The following WDR33 variants were observed in gnomAD, a reference collection of about 807,000 sequenced individuals.
WDR33 encodes the protein pre-mRNA 3' end processing protein WDR33.
WDR33 carries 47 observed loss-of-function variants against 164.9 expected under a neutral mutation model. The observed-to-expected ratio is 0.29, with a 90% CI of 0.23 to 0.36. WDR33 has a LOEUF of 0.36. Among genes scored for constraint, WDR33 ranks in the 10% least tolerant of loss-of-function variants. WDR33 has a pLI of 1.00. For missense variants in WDR33, 1,137 were observed against 1,754.1 expected, an observed-to-expected ratio of 0.65 and a Z score of 6.28; for synonymous variants, 505 against 589.0, an observed-to-expected ratio of 0.86 and a Z score of 2.06.
Position 127,735,849 on chromosome 2 carries a change from G to A in WDR33, c.725-9072C>T, listed in dbSNP as rs1310771803. 1.0e-6 allele frequency: 1 copy of A among 985,308 alleles called. No individual in the cohort carries two copies. The highest frequency in any genetic ancestry group is 1.7e-5 in the African/African-American group (1 of 57,248). The allele number at this position is 985,308 out of a possible 1,614,324, so 61.0% of individuals were successfully genotyped here. ...AAAATGATTTCACCACAACCCAACA[G>A]TCAACATCAACTTGGAGTGATTACT... On this transcript the variant is annotated intron_variant, in intron 7 of 21. Coordinates refer to ENST00000322313, the MANE Select transcript of WDR33 (RefSeq NM_018383.5). This position sits in a 1 kb window ranked among gnomAD's most constrained non-coding sequence, Gnocchi z 4.3.
At chr2:127,737,397 A>G (rs1686877729) in intron 7 of WDR33, 1 of 985,534 alleles carries the variant, frequency 1.0e-6, no homozygotes, top group Non-Finnish European at 1.2e-6. Context: ...ATGTTATTCA[A>G]CAGTCACAGG....
chr2:127,706,143 G>A lies in WDR33; in HGVS notation c.*180C>T, dbSNP rs1686002818. 2 of 467,246 alleles carry A rather than the reference G, an allele frequency of 4.3e-6. No individual in the cohort carries two copies. The highest frequency in any genetic ancestry group is 7.2e-6 in the Non-Finnish European group (2 of 276,714). The allele number at this position is 467,246 out of a possible 1,614,324, so 28.9% of individuals were successfully genotyped here. A position where few individuals can be genotyped will look rare whatever the true frequency, so the allele number is the denominator to read the frequency against. The stretch of plus-strand genomic sequence containing the variant: ...GGGTGGACAGGACAGGGCCAGCCAG[G>A]CTGGTAGCTGGCAGCAGTCTCTTCA... On this transcript the variant is annotated 3_prime_UTR_variant, in exon 22 of 22. Coordinates refer to ENST00000322313, the MANE Select transcript of WDR33 (RefSeq NM_018383.5). This position sits in a 1 kb window ranked among gnomAD's most constrained non-coding sequence, Gnocchi z 5.1.
In WDR33 at chr2:127,776,841, T is replaced by C. The variant is rs908446776; in HGVS notation, c.-23-5837A>G. Among the ~76,000 whole-genome samples the C allele has an allele frequency of 2.0e-5, 3 of 152,270 alleles. No individual in the cohort carries two copies. In the East Asian group the frequency reaches 5.8e-4, roughly 29 times the overall value. On this transcript the variant is annotated intron_variant, in intron 1 of 21. Transcript: ENST00000322313. ...GTCATTACAACTATCCTCTACGCTT[T>C]ACTTGGGATTATACTCCAAAGATCT...
At chr2:127,737,963 T>G (rs749788800) in intron 7 of WDR33, 3 of 1,604,240 alleles carry the variant, frequency 1.9e-6, no homozygotes, top group East Asian at 2.2e-5. Context: ...TTCACAGAAG[T>G]TGGTAAATGT....
intron 7 of WDR33, among the ~76,000 whole-genome samples, chr2:127,758,645 G>C (rs1442269679): frequency 6.6e-6 from 1 of 152,094 alleles, no homozygotes; most frequent in Non-Finnish European, 1.5e-5. Context: ...GGAGGGGTGA[G>C]GCTGTGGGAG....
chr2:127,781,745 T>C (rs1171212286), intron 1 of WDR33, among the ~76,000 whole-genome samples: 1 of 150,954 alleles, frequency 6.6e-6, no homozygotes, highest in Non-Finnish European at 1.5e-5. Context: ...ATGCCTATAA[T>C]CCTAGCACTT....
At chr2:127,793,025 G>C (rs1470760592) in intron 1 of WDR33, among the ~76,000 whole-genome samples, 1 of 152,132 alleles carries the variant, frequency 6.6e-6, no homozygotes, top group Non-Finnish European at 1.5e-5. Flanking sequence ...TAAAAGTGAG[G>C]AGAAATTTCA....
rs1199040076 is a variant in WDR33, at chr2:127,709,066, G to C, written c.3566-174C>G. Among the ~76,000 whole-genome samples the C allele has an allele frequency of 1.3e-5, 2 of 152,064 alleles. No individual in the cohort carries two copies. Among genetic ancestry groups the C allele is most frequent in the African/African-American group, 4.8e-5 (2 of 41,388 alleles). The stretch of plus-strand genomic sequence containing the variant: ...ATCAGGGTGCCTCCTCATGTAAGAG[G>C]GGCAGGTAAGATCCAGAGAACTCGT... On this transcript the variant is annotated intron_variant, in intron 20 of 21. Coordinates refer to ENST00000322313, the MANE Select transcript of WDR33 (RefSeq NM_018383.5). This position sits in a 1 kb window ranked among gnomAD's most constrained non-coding sequence, Gnocchi z 5.0.
chr2:127,801,176 C>T (rs904308563), intron 1 of WDR33, among the ~76,000 whole-genome samples: 8 of 151,654 alleles, frequency 5.3e-5, no homozygotes, highest in Non-Finnish European at 1.2e-4. Context: ...CCCAGCCGCT[C>T]GGGAGGCTAA....
rs1440461826 is a variant in WDR33, at chr2:127,716,075, T to C, written c.2869+1080A>G. Among the ~76,000 whole-genome samples, 1 of 152,172 alleles carries C rather than the reference T, an allele frequency of 6.6e-6. No homozygotes were observed. Among genetic ancestry groups the C allele is most frequent in the Non-Finnish European group, 1.5e-5 (1 of 68,034 alleles). ...TAACTCAGGGGGTAAAAGACTCTCC[T>C]TTTGTTTCTCTAGTTCGCTGTGGGC... On this transcript the variant is annotated intron_variant, in intron 17 of 21. Coordinates refer to ENST00000322313, the MANE Select transcript of WDR33 (RefSeq NM_018383.5). The surrounding 1 kb of genome is among the most constrained non-coding windows in gnomAD (Gnocchi z 4.5).
chr2:127,730,118 T>G (rs990453645), intron 7 of WDR33, among the ~76,000 whole-genome samples: 3 of 152,140 alleles, frequency 2.0e-5, no homozygotes, highest in Admixed American at 6.5e-5. Flanking sequence ...TTTTTCAACT[T>G]TGAAACACGT....
intron 7 of WDR33, among the ~76,000 whole-genome samples, chr2:127,759,781 G>C (rs1165461641): frequency 6.6e-6 from 1 of 151,152 alleles, no homozygotes; most frequent in Non-Finnish European, 1.5e-5. Flanking sequence ...GTGGCTCACA[G>C]TATAATCCTA....
intron 1 of WDR33, among the ~76,000 whole-genome samples, chr2:127,788,257 C>A (rs1405895386): frequency 7.4e-6 from 1 of 135,834 alleles, no homozygotes; most frequent in Non-Finnish European, 1.6e-5. Flanking sequence ...TGACCCCCCC[C>A]ACCTCCCTCC....
At chr2:127,773,549 A>T (rs1456954149) in intron 1 of WDR33, among the ~76,000 whole-genome samples, 1 of 152,238 alleles carries the variant, frequency 6.6e-6, no homozygotes, top group Non-Finnish European at 1.5e-5. Flanking sequence ...GTCCTTGGCA[A>T]ACATTAACTT....
intron 3 of WDR33, 95 bp downstream of exon 3, chr2:127,768,837 GA>G: frequency 1.2e-6 from 1 of 808,176 alleles, no homozygotes; most frequent in South Asian, 1.5e-5. Flanking sequence ...AATGTAAAAA[GA>G]AAAGACCATT....
rs1687734003 is a variant in WDR33 at position 127,763,366 on chromosome 2, T to C, written c.627-207A>G. On this transcript the variant is annotated intron_variant, in intron 6 of 21. Coordinates refer to ENST00000322313, the MANE Select transcript of WDR33 (RefSeq NM_018383.5). This position sits in a 1 kb window ranked among gnomAD's most constrained non-coding sequence, Gnocchi z 4.5. ...TTCAACAGAGCAGTTGTTTGAGTTTTCAATCATCAGTATTCTGAGAACTTC... is the reference window on the plus strand; with the variant it reads ...TTCAACAGAGCAGTTGTTTGAGTTTCCAATCATCAGTATTCTGAGAACTTC... 7.2e-7 allele frequency: 1 copy of C among 1,392,816 alleles called. No individual in the cohort carries two copies. The allele number at this position is 1,392,816 out of a possible 1,614,324, so 86.3% of individuals were successfully genotyped here. A position where few individuals can be genotyped will look rare whatever the true frequency, so the allele number is the denominator to read the frequency against.
At chr2:127,787,532 G>T (rs1688632486) in intron 1 of WDR33, among the ~76,000 whole-genome samples, 1 of 127,812 alleles carries the variant, frequency 7.8e-6, no homozygotes. Context: ...TGGCCGGTCG[G>T]GGGGCTGACA....
At chr2:127,749,288 C>A (rs548979122) in intron 7 of WDR33, among the ~76,000 whole-genome samples, 3 of 152,122 alleles carry the variant, frequency 2.0e-5, no homozygotes, top group Non-Finnish European at 4.4e-5. Context: ...GAGTTGTGAT[C>A]GTGCCACTGC....
At position 127,763,541 on chromosome 2, in the gene WDR33, T is replaced by C. The variant is rs1288883975; in HGVS notation, c.627-382A>G. On this transcript the variant is annotated intron_variant, in intron 6 of 21. Coordinates refer to ENST00000322313, the MANE Select transcript of WDR33 (RefSeq NM_018383.5). This position sits in a 1 kb window ranked among gnomAD's most constrained non-coding sequence, Gnocchi z 4.5. ...AGTCTTTTAAATCACACACGAATAC[T>C]GCTCCCAAAATTATCATCAGCTTCT... The C allele has an allele frequency of 2.0e-6, 2 of 1,022,066 alleles. No individual in the cohort carries two copies. Among genetic ancestry groups the C allele is most frequent in the African/African-American group, 3.4e-5 (2 of 58,160 alleles). 63.3% of individuals were successfully genotyped at this position (1,022,066 alleles called of 1,614,324 possible).
Sources: allele counts gnomAD v4.1 joint callset (sites outside exome capture counted in the v4.1 genomes callset), GRCh38; gene constraint gnomAD v4.1.1; non-coding constraint Gnocchi (gnomAD v3.1); transcripts MANE v1.5; gene names NCBI Gene and HGNC (gene_info 2026-07-23, HGNC 2026-07-21).